Variants in PLXNB3 observed in about 807,000 individuals in gnomAD.
PLXNB3 encodes the protein plexin-B3.
In PLXNB3, 80 loss-of-function variants were observed where a neutral mutation model predicts 125.7. The ratio of observed to expected loss-of-function variants is 0.64; its 90% CI spans 0.53 to 0.77. The LOEUF is 0.77. Ranked by LOEUF, PLXNB3 falls within the 30% of genes least tolerant of loss-of-function variation. The pLI is 0.00. For synonymous variants in PLXNB3, 954 were observed against 783.3 expected (o/e 1.22, Z -3.64); for missense variants, 1,836 against 1,729.3 (o/e 1.06, Z -1.09).
intron 16 of PLXNB3, 22 bp from the exon 17 acceptor site, chrX:153,772,864 C>T (rs2091948311): frequency 1.8e-6 from 2 of 1,093,024 alleles, no homozygotes; most frequent in East Asian, 6.8e-5. Context: ...GCCGTGCCTA[C>T]CCAGCCTGCG....
chrX:153,768,725 G>A (rs1387776741), intron 4 of PLXNB3, among the ~76,000 whole-genome samples: 5 of 112,169 alleles, frequency 4.5e-5, no homozygotes, highest in African/African-American at 1.6e-4. Flanking sequence ...CCTGGTACAC[G>A]GGGCCTCACC....
rs1451908302 is a variant in PLXNB3, at chrX:153,768,981, C to T, written c.1300C>T (p.His434Tyr). The change falls in exon 5 of 36, where the codon CAC (histidine) becomes TAC (tyrosine). Residue 434 changes from histidine to tyrosine, a missense_variant. Coordinates refer to ENST00000361971, the MANE Select transcript of PLXNB3 (RefSeq NM_005393.3). ...CCACGGCTCCCAGGGCCAGGTTTAC[C>T]ACTCCCAGCAAGTGGGGCCTCCAGG... ...FLHGSQGQVY[H>Y]SQQVGPPGSA... is the part of the protein sequence containing the mutation. The T allele has an allele frequency of 8.3e-7, 1 of 1,211,372 alleles. No individual in the cohort carries two copies. The highest frequency in any genetic ancestry group is 1.1e-6 in the Non-Finnish European group (1 of 894,956).
rs781846138 is a variant in PLXNB3 at position 153,768,986 on chromosome X, C to T, written c.1305C>T (p.Ser435=). Residue 435 remains serine, a synonymous_variant, in exon 5 of 36, where the codon TCC becomes TCT. Transcript: ENST00000361971. ...GCTCCCAGGGCCAGGTTTACCACTC[C>T]CAGCAAGTGGGGCCTCCAGGCTCAG... ...LHGSQGQVYH[S]QQVGPPGSAI... The T allele has an allele frequency of 5.0e-6, 6 of 1,210,080 alleles. No homozygotes were observed. The highest frequency in any genetic ancestry group is 6.7e-6 in the Non-Finnish European group (6 of 894,636).
intron 2 of PLXNB3, chrX:153,766,608 C>T: frequency 2.8e-6 from 3 of 1,058,643 alleles, no homozygotes; most frequent in African/African-American, 1.9e-5. Flanking sequence ...GAATTCTGTC[C>T]TTGTGTGCTT....
intron 2 of PLXNB3, chrX:153,765,991 T>C: frequency 1.3e-6 from 1 of 743,549 alleles, no homozygotes; most frequent in Non-Finnish European, 1.6e-6. Context: ...CCCTGACCCC[T>C]CCCCCAGCCA....
chrX:153,772,487 C>T (rs1349643025), intron 16 of PLXNB3, among the ~76,000 whole-genome samples, 200 bp downstream of exon 16: 1 of 111,970 alleles, frequency 8.9e-6, no homozygotes, highest in Non-Finnish European at 1.9e-5. Flanking sequence ...GATCTGTTGC[C>T]CTGGGCACTT....
In PLXNB3 at chrX:153,776,876, A is replaced by T. The variant is rs782495706; in HGVS notation, c.4834-11A>T. ...GGGGTCAGCACAGCCTCCGCTCCCC[A>T]TCTCTGCCAGGTCCCAGATGGAGCA... On this transcript the variant is annotated splice_polypyrimidine_tract_variant and intron_variant, in intron 28 of 35. Coordinates refer to ENST00000361971, the MANE Select transcript of PLXNB3 (RefSeq NM_005393.3). 3 of 1,161,677 alleles carry T rather than the reference A, an allele frequency of 2.6e-6. No individual in the cohort carries two copies. In the Admixed American group the frequency reaches 6.9e-5, roughly 27 times the overall value.
rs1441510822 is a variant in PLXNB3 at position 153,766,992 on chromosome X, C to T, written c.165C>T (p.Asn55=). The change falls in exon 3 of 36, where the codon AAC becomes AAT. Residue 55 remains asparagine (N), a synonymous_variant. Transcript: ENST00000361971. ...HRFSAPNTTL[N]HLALAPGRGT... is the part of the protein sequence containing the mutation. ...TCTCCGCACCTAATACCACTCTCAA[C>T]CACTTGGCACTGGCACCTGGCCGAG... The T allele has an allele frequency of 8.3e-7, 1 of 1,209,735 alleles. No homozygotes were observed. The highest frequency in any genetic ancestry group is 1.1e-6 in the Non-Finnish European group (1 of 895,227).
Position 153,766,989 on chromosome X carries a change from C to G in PLXNB3, c.162C>G (p.Leu54=), listed in dbSNP as rs1557059450. Residue 54 remains leucine, a synonymous_variant, in exon 3 of 36, where the codon CTC becomes CTG. Coordinates refer to ENST00000361971, the MANE Select transcript of PLXNB3 (RefSeq NM_005393.3). The part of the protein sequence containing the change: ...AHRFSAPNTT[L]NHLALAPGRG... Reference sequence around the variant, plus strand: ...GCTTCTCCGCACCTAATACCACTCTCAACCACTTGGCACTGGCACCTGGCC... The same window carrying G: ...GCTTCTCCGCACCTAATACCACTCTGAACCACTTGGCACTGGCACCTGGCC... The G allele has an allele frequency of 1.7e-6, 2 of 1,211,202 alleles. No individual in the cohort carries two copies. Among genetic ancestry groups the G allele is most frequent in the South Asian group, 3.5e-5 (2 of 57,043 alleles).
chrX:153,773,149 C>T (rs1397841835), intron 17 of PLXNB3, 81 bp from the exon 18 acceptor site: 8 of 1,090,643 alleles, frequency 7.3e-6, no homozygotes, highest in South Asian at 2.2e-5. Flanking sequence ...CAAAGCAGGG[C>T]TTCTCCTACG....
At chrX:153,775,187 G>T in intron 24 of PLXNB3, 38 bp from the exon 25 acceptor site, 1 of 1,153,118 alleles carries the variant, frequency 8.7e-7, no homozygotes. Flanking sequence ...TGGGGGAGGA[G>T]TGGGGCTTCC....
chrX:153,769,439 C>A (rs1200669929), intron 6 of PLXNB3, among the ~76,000 whole-genome samples, 177 bp downstream of exon 6: 4 of 112,234 alleles, frequency 3.6e-5, no homozygotes, highest in Non-Finnish European at 5.6e-5. Context: ...CTGGTTGGCA[C>A]CCCCCTTTTC....
Position 153,766,946 on chromosome X carries a change from C to T in PLXNB3, c.119C>T (p.Pro40Leu). 2 of 1,210,765 alleles carry T rather than the reference C, an allele frequency of 1.7e-6. No homozygotes were observed. Among genetic ancestry groups the T allele is most frequent in the Non-Finnish European group, 2.2e-6 (2 of 895,479 alleles). Reference sequence around the variant, plus strand: ...CTGCTGCTGTCCCCACCGCCACTGCCCTTGACAGGGGCCCATCGCTTCTCC... The same window carrying T: ...CTGCTGCTGTCCCCACCGCCACTGCTCTTGACAGGGGCCCATCGCTTCTCC... ...LLLLLSPPPLPLTGAHRFSAP... is the reference protein window; with the variant it reads ...LLLLLSPPPLLLTGAHRFSAP... Residue 40 changes from proline to leucine, a missense_variant, in exon 3 of 36, where the codon CCC (proline) becomes CTC (leucine). Transcript: ENST00000361971.
rs782236263 is a variant in PLXNB3 at position 153,770,863 on chromosome X, C to T, written c.2116C>T (p.Arg706Trp). 18 of 1,207,182 alleles carry T rather than the reference C, an allele frequency of 1.5e-5. No individual in the cohort carries two copies. In the South Asian group the frequency reaches 2.3e-4, roughly 15 times the overall value. ...GGAGAGCCATTTGGCCCTACGCGTG[C>T]GGAACCTTCAACATTTCCGAGTGAG... Reference protein sequence around the residue: ...GWESHLALRVRNLQHFRGLPA... With the variant: ...GWESHLALRVWNLQHFRGLPA... Residue 706 changes from arginine to tryptophan, a missense_variant, in exon 11 of 36, where the codon CGG (arginine) becomes TGG (tryptophan). Arg to Trp is a moderately radical substitution (Grantham distance 101, BLOSUM62 -3). Transcript: ENST00000361971.
At position 153,769,923 on chromosome X, in the gene PLXNB3, G is replaced by A. The variant is rs782808628; in HGVS notation, c.1613G>A (p.Arg538His). 6.6e-6 allele frequency: 8 copies of A among 1,206,037 alleles called. No individual in the cohort carries two copies. Among genetic ancestry groups the A allele is most frequent in the East Asian group, 3.0e-5 (1 of 33,732 alleles). The change falls in exon 7 of 36, where the codon CGC (arginine) becomes CAC (histidine). Residue 538 changes from arginine to histidine, a missense_variant. Physicochemically the swap from Arg to His is conservative, Grantham distance 29 (BLOSUM62 0). Transcript: ENST00000361971. ...AGCCTGCTGCCGGGCCACCACCCCCGCCAGGAGCAGGGCCAGGTAAGCCGC... is the reference window on the plus strand; with the variant it reads ...AGCCTGCTGCCGGGCCACCACCCCCACCAGGAGCAGGGCCAGGTAAGCCGC... ...IQSLLPGHHP[R>H]QEQGQVTLSV...
chrX:153,768,849 C>G, intron 4 of PLXNB3, 99 bp from the exon 5 acceptor site: 1 of 987,769 alleles, frequency 1.0e-6, no homozygotes, highest in Non-Finnish European at 1.4e-6. Flanking sequence ...GGAAGGGGAA[C>G]TGGCTCTAAA....
At chrX:153,777,081 G>A in intron 29 of PLXNB3, 101 bp downstream of exon 29, 2 of 993,368 alleles carry the variant, frequency 2.0e-6, no homozygotes, top group Non-Finnish European at 2.7e-6. Context: ...ACCCCACCGA[G>A]ATCTTCTGCC....
intron 30 of PLXNB3, 60 bp from the exon 31 acceptor site, chrX:153,777,468 T>G: frequency 8.4e-7 from 1 of 1,186,213 alleles, no homozygotes; most frequent in South Asian, 1.8e-5. Context: ...AGGGGCAGCC[T>G]CAGCCGTGGA....
chrX:153,768,448 G>T lies in PLXNB3; in HGVS notation c.1266+20G>T. ...TACAAGGTGAGGGCCCGGCCTTGCTGTCCGGCTGGGTGTGCCCCTGGCCAC... is the reference window on the plus strand; with the variant it reads ...TACAAGGTGAGGGCCCGGCCTTGCTTTCCGGCTGGGTGTGCCCCTGGCCAC... On this transcript the variant is annotated intron_variant, in intron 4 of 35. Coordinates refer to ENST00000361971, the MANE Select transcript of PLXNB3 (RefSeq NM_005393.3). 1 of 1,171,173 alleles carries T rather than the reference G, an allele frequency of 8.5e-7. No homozygotes were observed. The highest frequency in any genetic ancestry group is 1.2e-6 in the Non-Finnish European group (1 of 867,827).
Sources: gnomAD v4.1 joint callset for allele counts (sites outside exome capture counted in the v4.1 genomes callset) on GRCh38, gnomAD v4.1.1 for gene constraint, MANE v1.5 for transcripts, NCBI Gene and HGNC (gene_info 2026-07-23, HGNC 2026-07-21) for gene names.